The following LRPPRC variants were observed in gnomAD, a reference collection of about 807,000 sequenced individuals.
LRPPRC encodes leucine-rich PPR motif-containing protein, mitochondrial.
Under a neutral mutation model 180.3 loss-of-function variants are expected in LRPPRC, and 120 were observed. That is an observed-to-expected ratio of 0.67 (90% confidence interval 0.57 to 0.77). The LOEUF is 0.77. Among genes scored for constraint, LRPPRC ranks in the 30% least tolerant of loss-of-function variants. LRPPRC has a pLI of 0.00. For synonymous variants in LRPPRC, 723 were observed against 600.0 expected, an observed-to-expected ratio of 1.21 and a Z score of -3.00; for missense variants, 2,012 against 1,657.2, an observed-to-expected ratio of 1.21 and a Z score of -3.72.
chr2:43,974,621 A>G lies in LRPPRC; in HGVS notation c.1002T>C (p.Tyr334=), dbSNP rs2103714839. 1 of 1,567,528 alleles carries G rather than the reference A, an allele frequency of 6.4e-7. No homozygotes were observed. The highest frequency in any genetic ancestry group is 8.8e-7 in the Non-Finnish European group (1 of 1,138,406). The change falls in exon 8 of 38, where the codon TAT becomes TAC. Residue 334 remains tyrosine, a synonymous_variant. Coordinates refer to ENST00000260665, the MANE Select transcript of LRPPRC (RefSeq NM_133259.4). ...ILEKVTCERR[Y]IPDAMNLILL... ...AGATTTTTTTAAAACTACCTGGAAT[A>G]TATCTTCTTTCACATGTAACTTTTT...
intron 24 of LRPPRC, among the ~76,000 whole-genome samples, 158 bp downstream of exon 24, chr2:43,934,596 T>C (rs1388969882): frequency 1.3e-5 from 2 of 152,022 alleles, no homozygotes; most frequent in Non-Finnish European, 2.9e-5. Context: ...TGTATAATAT[T>C]GGAAATCTAC....
chr2:43,949,126 T>A (rs1018317256), intron 16 of LRPPRC, among the ~76,000 whole-genome samples: 2 of 152,190 alleles, frequency 1.3e-5, no homozygotes, highest in Non-Finnish European at 2.9e-5. Context: ...ATGTAAACTT[T>A]CAAGAGGGGT....
intron 27 of LRPPRC, among the ~76,000 whole-genome samples, chr2:43,920,019 G>C (rs1558940941): frequency 9.4e-6 from 1 of 106,282 alleles, no homozygotes; most frequent in Admixed American, 1.0e-4. Flanking sequence ...ACTCCTAAAA[G>C]TAAAAAATTC....
At position 43,899,516 on chromosome 2, in the gene LRPPRC, T is replaced by C. The variant is rs775734947; in HGVS notation, c.3659A>G (p.Tyr1220Cys). 1.1e-5 allele frequency: 17 copies of C among 1,613,702 alleles called. No homozygotes were observed. The highest frequency in any genetic ancestry group is 1.4e-5 in the Non-Finnish European group (16 of 1,179,692). The change falls in exon 33 of 38, where the codon TAC becomes TGC. Residue 1220 changes from tyrosine to cysteine, a missense_variant. By Grantham distance (194) the Tyr-to-Cys change is radical. Transcript: ENST00000260665. Reference sequence around the variant, plus strand: ...CTCCTCTATTACTTTTCTGAATAAGTATGCCAAGCCGAAGTATTGGGGTTC... The same window carrying C: ...CTCCTCTATTACTTTTCTGAATAAGCATGCCAAGCCGAAGTATTGGGGTTC... ...VIEPQYFGLAYLFRKVIEEQL... is the reference protein window; with the variant it reads ...VIEPQYFGLACLFRKVIEEQL...
intron 11 of LRPPRC, among the ~76,000 whole-genome samples, chr2:43,968,834 G>T (rs7558340): frequency 0.89 from 136,160 of 152,196 alleles, 61,535 homozygotes; most frequent in African/African-American, 0.96. Context: ...CTGTATTGTT[G>T]ACTTGAAATT....
chr2:43,957,284 G>GAAAAAAAAAAAAAAA (rs1423691487), intron 14 of LRPPRC, 101 bp downstream of exon 14: 1 of 854,232 alleles, frequency 1.2e-6, no homozygotes, highest in African/African-American at 1.7e-5. Flanking sequence ...AATGTACACT[G>GAAAAAAAAAAAAAAA]AAAGATAAGA....
intron 31 of LRPPRC, among the ~76,000 whole-genome samples, 168 bp downstream of exon 31, chr2:43,905,524 G>A (rs1671039778): frequency 6.6e-6 from 1 of 152,198 alleles, no homozygotes; most frequent in Admixed American, 6.5e-5. Context: ...TATTCAAGCT[G>A]TATTATAAAT....
Position 43,912,452 on chromosome 2 carries a change from T to C in LRPPRC, c.3255A>G (p.Gln1085=). The C allele has an allele frequency of 6.2e-7, 1 of 1,609,578 alleles. No individual in the cohort carries two copies. The highest frequency in any genetic ancestry group is 8.5e-7 in the Non-Finnish European group (1 of 1,176,034). Residue 1085 remains glutamine, a synonymous_variant, in exon 30 of 38, where the codon CAA becomes CAG. Coordinates refer to ENST00000260665, the MANE Select transcript of LRPPRC (RefSeq NM_133259.4). ...CTTACAATGCTTTCACTTCCATTGCTTGTGTAAAATAATCTTCTGACATCA... is the reference window on the plus strand; with the variant it reads ...CTTACAATGCTTTCACTTCCATTGCCTGTGTAAAATAATCTTCTGACATCA... The part of the protein sequence containing the change: ...KLLMSEDYFT[Q]AMEVKAFAET...
intron 7 of LRPPRC, 62 bp downstream of exon 7, chr2:43,975,028 TA>T: frequency 6.4e-7 from 1 of 1,552,364 alleles, no homozygotes; most frequent in Non-Finnish European, 8.8e-7. Flanking sequence ...CTGCCTCATG[TA>T]AAACATAACA....
chr2:43,940,786 G>A (rs567901484), intron 23 of LRPPRC, among the ~76,000 whole-genome samples: 7 of 152,212 alleles, frequency 4.6e-5, no homozygotes, highest in African/African-American at 1.7e-4. Flanking sequence ...ATAACATGAA[G>A]ACTAATAAAA....
At chr2:43,922,190 G>C (rs1250933690) in intron 27 of LRPPRC, among the ~76,000 whole-genome samples, 1 of 152,162 alleles carries the variant, frequency 6.6e-6, no homozygotes, top group Non-Finnish European at 1.5e-5. Context: ...TTTTGTAACA[G>C]ATCATGTTAT....
At chr2:43,995,777 G>A in intron 1 of LRPPRC, 22 bp downstream of exon 1, 2 of 1,351,762 alleles carry the variant, frequency 1.5e-6, no homozygotes, top group African/African-American at 1.5e-5. Flanking sequence ...AGCTTGCCTG[G>A]AGAAAGGGCC....
chr2:43,949,716 A>T lies in LRPPRC; in HGVS notation c.1678-57T>A, dbSNP rs1314623468. ...AAGAGAAGCAAACAAGAACAAACAC[A>T]ATCTGAAATTGAATTCTTGAAATAA... On this transcript the variant is annotated intron_variant, in intron 15 of 37. Coordinates refer to ENST00000260665, the MANE Select transcript of LRPPRC (RefSeq NM_133259.4). 7.0e-6 allele frequency: 8 copies of T among 1,135,378 alleles called. No individual in the cohort carries two copies. The South Asian group carries it at 1.0e-4, about 14-fold the overall frequency. The allele number at this position is 1,135,378 out of a possible 1,614,324, so 70.3% of individuals were successfully genotyped here.
chr2:43,906,038 G>A (rs915257827), intron 30 of LRPPRC, among the ~76,000 whole-genome samples: 2 of 151,882 alleles, frequency 1.3e-5, no homozygotes, highest in Non-Finnish European at 1.5e-5. Flanking sequence ...TTAAACAATC[G>A]GTTCAGATTC....
intron 16 of LRPPRC, among the ~76,000 whole-genome samples, chr2:43,949,064 C>T (rs928933951): frequency 1.3e-5 from 2 of 152,126 alleles, no homozygotes; most frequent in Non-Finnish European, 2.9e-5. Context: ...TTTTCCTTTG[C>T]ATTCAAGCAT....
intron 11 of LRPPRC, among the ~76,000 whole-genome samples, chr2:43,970,986 G>T (rs1000409753): frequency 1.3e-5 from 2 of 151,904 alleles, no homozygotes; most frequent in African/African-American, 4.8e-5. Context: ...TGTAATCCCA[G>T]CTACTCAGGA....
intron 1 of LRPPRC, among the ~76,000 whole-genome samples, chr2:43,990,358 GTTC>G (rs1385514022): frequency 6.6e-6 from 1 of 152,160 alleles, no homozygotes; most frequent in Non-Finnish European, 1.5e-5. Flanking sequence ...CTTTTCGTCA[GTTC>G]TTTACTACCT....
chr2:43,970,975 C>G (rs1673780019), intron 11 of LRPPRC, among the ~76,000 whole-genome samples: 2 of 151,986 alleles, frequency 1.3e-5, no homozygotes. Flanking sequence ...TGACGCATGC[C>G]TGTAATCCCA....
intron 13 of LRPPRC, among the ~76,000 whole-genome samples, chr2:43,958,096 A>G (rs2103652513): frequency 6.6e-6 from 1 of 152,342 alleles, no homozygotes; most frequent in South Asian, 2.1e-4. Context: ...CAATGCTGAC[A>G]TTATAAGCCT....
Sources: gnomAD v4.1 joint callset for allele counts (sites outside exome capture counted in the v4.1 genomes callset) on GRCh38, gnomAD v4.1.1 for gene constraint, MANE v1.5 for transcripts, NCBI Gene and HGNC (gene_info 2026-07-23, HGNC 2026-07-21) for gene names.